The following PICALM variants were observed in gnomAD, a reference collection of about 807,000 sequenced individuals.
PICALM encodes phosphatidylinositol binding clathrin assembly protein, also known as phosphatidylinositol-binding clathrin assembly protein.
PICALM carries 40 observed loss-of-function variants against 80.5 expected under a neutral mutation model. That is an observed-to-expected ratio of 0.50 (90% CI 0.39 to 0.65). The LOEUF (loss-of-function observed/expected upper bound fraction) is 0.65. Ranked by LOEUF, PICALM falls within the 30% of genes least tolerant of loss-of-function variation. The probability of loss-of-function intolerance (pLI) is 0.00; values close to 1 mark genes in which losing one functional copy is unlikely to be tolerated. For missense variants in PICALM, 676 were observed against 778.9 expected, an observed-to-expected ratio of 0.87 and a Z score of 1.57; for synonymous variants, 288 against 260.3, an observed-to-expected ratio of 1.11 and a Z score of -1.02.
chr11:85,995,689 G>C (rs1455960824), intron 12 of PICALM, among the ~76,000 whole-genome samples: 1 of 152,072 alleles, frequency 6.6e-6, no homozygotes, highest in Non-Finnish European at 1.5e-5. Flanking sequence ...CTGCTTAAAT[G>C]GTCATGTTAA....
chr11:86,028,385 T>C (rs1326765497), intron 2 of PICALM, among the ~76,000 whole-genome samples: 1 of 152,230 alleles, frequency 6.6e-6, no homozygotes, highest in Non-Finnish European at 1.5e-5. Flanking sequence ...CTATTGTGTA[T>C]ATTAGAAACT....
intron 12 of PICALM, among the ~76,000 whole-genome samples, chr11:85,994,688 A>T (rs1248916201): frequency 6.6e-6 from 1 of 152,222 alleles, no homozygotes; most frequent in Non-Finnish European, 1.5e-5. Context: ...TAAGCATTTA[A>T]TGTTATGATC....
Position 86,011,152 on chromosome 11 carries a change from TA to T in PICALM, c.659-17del, listed in dbSNP as rs919613174. ...AAATATTTTTCTGACAAAATAAATGTAAAAATTCTTTTGTTCACATCAAAAT... is the reference window on the plus strand; with the variant it reads ...AAATATTTTTCTGACAAAATAAATGTAAAATTCTTTTGTTCACATCAAAAT... On this transcript the variant is annotated splice_polypyrimidine_tract_variant and intron_variant, in intron 6 of 19. Coordinates refer to ENST00000393346, the MANE Select transcript of PICALM (RefSeq NM_007166.4). The T allele has an allele frequency of 3.5e-6, 4 of 1,128,312 alleles. No individual in the cohort carries two copies. Among genetic ancestry groups the T allele is most frequent in the Admixed American group, 2.2e-5 (1 of 44,488 alleles). The allele number at this position is 1,128,312 out of a possible 1,614,324, so 69.9% of individuals were successfully genotyped here.
chr11:86,014,801 G>A, intron 5 of PICALM, 69 bp downstream of exon 5: 1 of 819,880 alleles, frequency 1.2e-6, no homozygotes, highest in Non-Finnish European at 1.9e-6. Flanking sequence ...GAAAACTTGA[G>A]GTTAAAAATT....
At chr11:86,056,846 G>T (rs1167213676) in intron 1 of PICALM, among the ~76,000 whole-genome samples, 1 of 152,130 alleles carries the variant, frequency 6.6e-6, no homozygotes, top group Non-Finnish European at 1.5e-5. Context: ...CTATAAAAAT[G>T]AATAAAGTAC....
At chr11:86,000,823 T>G in intron 10 of PICALM, 44 bp from the exon 11 acceptor site, 1 of 1,589,152 alleles carries the variant, frequency 6.3e-7, no homozygotes, top group Non-Finnish European at 8.5e-7. Context: ...GAAACCAGAT[T>G]TCTTTGTACA....
At chr11:85,972,662 G>T (rs747450502) in intron 19 of PICALM, among the ~76,000 whole-genome samples, 4 of 151,992 alleles carry the variant, frequency 2.6e-5, no homozygotes, top group Non-Finnish European at 4.4e-5. Context: ...TGTAGTCGAA[G>T]GTCCCTAATA....
intron 1 of PICALM, among the ~76,000 whole-genome samples, chr11:86,052,389 A>G (rs1357301782): frequency 6.6e-6 from 1 of 152,226 alleles, no homozygotes; most frequent in Non-Finnish European, 1.5e-5. Flanking sequence ...AGAATAGACT[A>G]ATACACCAAT....
chr11:86,045,636 G>A (rs780349270), intron 1 of PICALM, among the ~76,000 whole-genome samples: 1 of 149,844 alleles, frequency 6.7e-6, no homozygotes, highest in Non-Finnish European at 1.5e-5. Context: ...TTTCTTAAAA[G>A]GAATTATAAA....
rs1490301408 is a variant in PICALM at position 85,957,331 on chromosome 11, C to T, written c.*1715G>A. 6.6e-6 allele frequency among the ~76,000 whole-genome samples: 1 copy of T among 152,110 alleles called. No individual in the cohort carries two copies. Among genetic ancestry groups the T allele is most frequent in the Non-Finnish European group, 1.5e-5 (1 of 68,020 alleles). The stretch of plus-strand genomic sequence containing the variant: ...CATGTACTCTGAACCCTATGCACTA[C>T]TAAATAGGCAATATGATACAATCAA... On this transcript the variant is annotated 3_prime_UTR_variant, in exon 20 of 20. Transcript: ENST00000393346.
intron 14 of PICALM, among the ~76,000 whole-genome samples, chr11:85,982,640 G>C (rs1305554378): frequency 6.8e-6 from 1 of 147,072 alleles, no homozygotes; most frequent in Non-Finnish European, 1.5e-5. Flanking sequence ...TGTTAGCCAG[G>C]ATGGTCTCGA....
intron 19 of PICALM, among the ~76,000 whole-genome samples, chr11:85,973,766 G>A (rs952109285): frequency 2.0e-5 from 3 of 152,100 alleles, no homozygotes; most frequent in Non-Finnish European, 4.4e-5. Context: ...AGTGAAAGGG[G>A]AATAACAAGT....
chr11:85,993,804 G>A (rs1176919677), intron 12 of PICALM, among the ~76,000 whole-genome samples: 1 of 151,990 alleles, frequency 6.6e-6, no homozygotes, highest in Non-Finnish European at 1.5e-5. Context: ...TTAAAACAAG[G>A]ATTAAAATGG....
chr11:86,061,330 C>CAAAAAAA (rs58836221), intron 1 of PICALM, among the ~76,000 whole-genome samples: 193 of 81,112 alleles, frequency 2.4e-3, no homozygotes, highest in African/African-American at 4.4e-3. Context: ...GACTCCATCT[C>CAAAAAAA]AAAAAAAAAA....
At chr11:85,995,951 C>G (rs2094946036) in intron 12 of PICALM, among the ~76,000 whole-genome samples, 1 of 152,068 alleles carries the variant, frequency 6.6e-6, no homozygotes, top group Non-Finnish European at 1.5e-5. Flanking sequence ...TTTTTTAAAT[C>G]AAGTTCAGGC....
chr11:86,002,683 C>T (rs1207287103), intron 9 of PICALM, among the ~76,000 whole-genome samples: 1 of 152,124 alleles, frequency 6.6e-6, no homozygotes, highest in African/African-American at 2.4e-5. Flanking sequence ...CTTCACAGGG[C>T]TATTGTGAGG....
At chr11:86,031,674 G>T (rs2095754181) in intron 1 of PICALM, 63 bp from the exon 2 acceptor site, 4 of 1,191,470 alleles carry the variant, frequency 3.4e-6, no homozygotes, top group African/African-American at 1.5e-5. Flanking sequence ...GTTAATACCA[G>T]ATCTGCATAC....
Position 85,959,000 on chromosome 11 carries a change from C to T in PICALM, c.*46G>A. 3 of 1,519,308 alleles carry T rather than the reference C, an allele frequency of 2.0e-6. No individual in the cohort carries two copies. The South Asian group carries it at 3.5e-5, about 18-fold the overall frequency. 94.1% of individuals were successfully genotyped at this position (1,519,308 alleles called of 1,614,324 possible). A position where few individuals can be genotyped will look rare whatever the true frequency, so the allele number is the denominator to read the frequency against. The stretch of plus-strand genomic sequence containing the variant: ...TTTGCTGGAAGTAAGGATTTTGCTG[C>T]TTGAGCACTTGTCTTTTTGGAGTAA... On this transcript the variant is annotated 3_prime_UTR_variant, in exon 20 of 20. Coordinates refer to ENST00000393346, the MANE Select transcript of PICALM (RefSeq NM_007166.4).
chr11:86,000,541 T>G, intron 11 of PICALM, 102 bp downstream of exon 11: 1 of 857,108 alleles, frequency 1.2e-6, no homozygotes, highest in South Asian at 1.8e-5. Flanking sequence ...GTGAATAGAT[T>G]ATAAAAGCAT....
Sources: allele counts gnomAD v4.1 joint callset (sites outside exome capture counted in the v4.1 genomes callset), GRCh38; gene constraint gnomAD v4.1.1; transcripts MANE v1.5; gene names NCBI Gene and HGNC (gene_info 2026-07-23, HGNC 2026-07-21).